DHX35: variants seen among roughly 807,000 people sequenced by gnomAD.
DHX35 encodes probable ATP-dependent RNA helicase DHX35.
In DHX35, 84 loss-of-function variants were observed where a neutral mutation model predicts 99.6. That is an observed-to-expected ratio of 0.84 (90% CI 0.71 to 1.01). The LOEUF is 1.01. Ranked by LOEUF, DHX35 falls within the 50% of genes least tolerant of loss-of-function variation. The pLI is 0.00. For missense variants in DHX35, 852 were observed against 888.5 expected (o/e 0.96, Z 0.52); for synonymous variants, 331 against 316.2 (o/e 1.05, Z -0.50).
At chr20:39,019,872 T>C (rs2086845727) in intron 15 of DHX35, among the ~76,000 whole-genome samples, 1 of 152,196 alleles carries the variant, frequency 6.6e-6, no homozygotes, top group African/African-American at 2.4e-5. Context: ...ACCTCCTCTT[T>C]CTCCATTCAC....
rs753047687 is a variant in DHX35 at position 39,006,179 on chromosome 20, A to G, written c.1045A>G (p.Ile349Val). 3.7e-6 allele frequency: 6 copies of G among 1,614,054 alleles called. No homozygotes were observed. The highest frequency in any genetic ancestry group is 3.3e-5 in the South Asian group (3 of 91,074). The change falls in exon 12 of 22, where the codon ATC becomes GTC. Residue 349 changes from isoleucine to valine, a missense_variant. Ile to Val is a conservative substitution (Grantham distance 29). Transcript: ENST00000252011. ...IVATNVAETS[I>V]TISGIVYVID... ...GGCCACCAATGTGGCAGAAACCTCT[A>G]TCACAATCAGCGGCATTGTGTATGT...
rs200258100 is a variant in DHX35, at chr20:39,038,275, G to A, written c.2068-224G>A. 4.7e-4 allele frequency among the ~76,000 whole-genome samples: 72 copies of A among 152,322 alleles called. 1 individual carries two copies. The East Asian group carries it at 0.013, about 27-fold the overall frequency. ...GAGCCCTGTATAACCAGCTTCAGCC[G>A]CTGTGGCTTGGGCCTCGGGTTGCTG... On this transcript the variant is annotated intron_variant, in intron 21 of 21. Transcript: ENST00000252011.
chr20:38,976,596 G>A (rs1316012852), intron 3 of DHX35, among the ~76,000 whole-genome samples: 1 of 152,030 alleles, frequency 6.6e-6, no homozygotes, highest in African/African-American at 2.4e-5. Context: ...TTTCTTTGTG[G>A]TGAGAACCTT....
At chr20:38,982,842 C>T (rs530221030) in intron 3 of DHX35, among the ~76,000 whole-genome samples, 34 of 151,994 alleles carry the variant, frequency 2.2e-4, no homozygotes, top group African/African-American at 4.8e-4. Flanking sequence ...CACTGTTATC[C>T]GTATTGGATT....
At chr20:39,025,027 G>C (rs1445552632) in intron 17 of DHX35, among the ~76,000 whole-genome samples, 1 of 152,224 alleles carries the variant, frequency 6.6e-6, no homozygotes, top group African/African-American at 2.4e-5. Flanking sequence ...TTAGTGTAAA[G>C]AGTGAGGTTG....
intron 3 of DHX35, among the ~76,000 whole-genome samples, chr20:38,973,490 T>G (rs1396112233): frequency 6.6e-6 from 1 of 152,222 alleles, no homozygotes; most frequent in Non-Finnish European, 1.5e-5. Flanking sequence ...CCATGTCTGC[T>G]TACCCCTACA....
chr20:39,018,641 G>GA (rs2086824380), intron 14 of DHX35, among the ~76,000 whole-genome samples, 163 bp from the exon 15 acceptor site: 1 of 151,648 alleles, frequency 6.6e-6, no homozygotes, highest in Admixed American at 6.6e-5. Flanking sequence ...TTCTTTTAAG[G>GA]TAATGGCACT....
At chr20:38,988,667 C>T in intron 4 of DHX35, 146 bp from the exon 5 acceptor site, 1 of 1,137,470 alleles carries the variant, frequency 8.8e-7, no homozygotes, top group South Asian at 1.7e-5. Context: ...AGTTATTATG[C>T]TTGTTCTCTA....
intron 20 of DHX35, among the ~76,000 whole-genome samples, chr20:39,033,898 A>G (rs2072731454): frequency 6.6e-6 from 1 of 152,170 alleles, no homozygotes; most frequent in Admixed American, 6.5e-5. Flanking sequence ...GCATTTTCTA[A>G]TAAAGTCATT....
At chr20:38,978,300 C>T (rs1263562299) in intron 3 of DHX35, 1 of 762,840 alleles carries the variant, frequency 1.3e-6, no homozygotes, top group South Asian at 1.3e-5. Context: ...TTAAAGATAA[C>T]TGGTGCTCAT....
intron 4 of DHX35, among the ~76,000 whole-genome samples, chr20:38,988,276 T>A (rs930341319): frequency 3.3e-5 from 5 of 152,240 alleles, no homozygotes; most frequent in African/African-American, 1.2e-4. Context: ...GATTTTGTTT[T>A]TCATTGTGTA....
At chr20:38,988,653 C>G (rs560480051) in intron 4 of DHX35, 160 bp from the exon 5 acceptor site, 1 of 1,016,404 alleles carries the variant, frequency 9.8e-7, no homozygotes, top group East Asian at 3.3e-5. Flanking sequence ...ATAAAAATTG[C>G]AAAAGTTATT....
chr20:38,995,317 G>A (rs2086411675), intron 8 of DHX35, among the ~76,000 whole-genome samples: 1 of 152,156 alleles, frequency 6.6e-6, no homozygotes, highest in African/African-American at 2.4e-5. Context: ...TTGAGGTCAG[G>A]AGTTTGAGGC....
chr20:39,005,239 G>C (rs1369413381), intron 11 of DHX35, among the ~76,000 whole-genome samples: 2 of 151,994 alleles, frequency 1.3e-5, no homozygotes, highest in African/African-American at 2.4e-5. Flanking sequence ...ACCCTTCAGG[G>C]GCAGCTCCCA....
chr20:38,969,571 T>G (rs2085963095), intron 2 of DHX35, among the ~76,000 whole-genome samples: 1 of 152,218 alleles, frequency 6.6e-6, no homozygotes, highest in Non-Finnish European at 1.5e-5. Flanking sequence ...AATTTTTGCT[T>G]TATTTTTAAA....
At chr20:39,027,624 C>T (rs2086978823) in intron 18 of DHX35, among the ~76,000 whole-genome samples, 1 of 152,140 alleles carries the variant, frequency 6.6e-6, no homozygotes, top group Non-Finnish European at 1.5e-5. Context: ...CTTTATGGAA[C>T]TTACTTACCA....
chr20:38,992,050 G>A (rs997690677), intron 6 of DHX35, among the ~76,000 whole-genome samples: 4 of 152,154 alleles, frequency 2.6e-5, no homozygotes, highest in Admixed American at 6.5e-5. Flanking sequence ...ATTTTTATGT[G>A]TTCTGTGGGG....
chr20:38,981,943 C>CAAAAAA (rs1161300647), intron 3 of DHX35, among the ~76,000 whole-genome samples: 4 of 87,276 alleles, frequency 4.6e-5, no homozygotes, highest in Non-Finnish European at 7.2e-5. Context: ...GACTCTGTCT[C>CAAAAAA]AAAAAAAAAA....
chr20:39,001,667 T>C, intron 8 of DHX35, 63 bp from the exon 9 acceptor site: 4 of 1,301,884 alleles, frequency 3.1e-6, no homozygotes, highest in Non-Finnish European at 4.3e-6. Context: ...ATTTTTTCTT[T>C]CCATGAATCG....
Sources: allele counts gnomAD v4.1 joint callset (sites outside exome capture counted in the v4.1 genomes callset), GRCh38; gene constraint gnomAD v4.1.1; transcripts MANE v1.5; gene names NCBI Gene and HGNC (gene_info 2026-07-23, HGNC 2026-07-21).